CDC27: variants seen among roughly 807,000 people sequenced by gnomAD.
The protein encoded by CDC27 is cell division cycle 27.
A neutral mutation model predicts 109.7 loss-of-function variants in CDC27; 27 were observed. That is an observed-to-expected ratio of 0.25 (90% CI 0.18 to 0.34). CDC27 has a LOEUF of 0.34. CDC27 is among the 10% of genes least tolerant of loss of function. The pLI is 1.00. For missense variants in CDC27, 579 were observed against 960.2 expected, an observed-to-expected ratio of 0.60 and a Z score of 5.25; for synonymous variants, 266 against 333.9, an observed-to-expected ratio of 0.80 and a Z score of 2.22.
chr17:47,154,990 A>G, intron 7 of CDC27: 1 of 399,050 alleles, frequency 2.5e-6, no homozygotes, highest in South Asian at 7.4e-5. Context: ...CTATCAAACA[A>G]GGAACTAAAC....
Position 47,138,898 on chromosome 17 carries a change from TA to T in CDC27, c.1552-8del. On this transcript the variant is annotated splice_polypyrimidine_tract_variant and splice_region_variant and intron_variant, in intron 12 of 18. Transcript: ENST00000066544. ...CTGAGAATATTCTTTCAGCCTGAAATAAAAAAAACTAGTAAGAGAAAACAAG... is the reference window on the plus strand; with the variant it reads ...CTGAGAATATTCTTTCAGCCTGAAATAAAAAAACTAGTAAGAGAAAACAAG... The T allele has an allele frequency of 9.7e-6, 15 of 1,542,074 alleles. No individual in the cohort carries two copies. Among genetic ancestry groups the T allele is most frequent in the Non-Finnish European group, 1.2e-5 (14 of 1,141,348 alleles).
chr17:47,133,380 C>T (rs902151693), intron 14 of CDC27, among the ~76,000 whole-genome samples: 54 of 148,302 alleles, frequency 3.6e-4, no homozygotes, highest in African/African-American at 1.2e-3. Context: ...TCAGGTGATC[C>T]GCCCGCCTTG....
intron 16 of CDC27, among the ~76,000 whole-genome samples, chr17:47,124,952 C>T (rs1408914809): frequency 6.6e-6 from 1 of 152,108 alleles, no homozygotes; most frequent in Non-Finnish European, 1.5e-5. Flanking sequence ...GACTCTCATT[C>T]TGTCACCCAG....
chr17:47,153,861 T>C (rs1014193691), intron 8 of CDC27, among the ~76,000 whole-genome samples: 5 of 152,042 alleles, frequency 3.3e-5, no homozygotes, highest in African/African-American at 1.2e-4. Context: ...GGCAGGAGGA[T>C]TGCTTGAGCC....
rs190297549 is a variant in CDC27, at chr17:47,147,443, T to G, written c.1071-3461A>C. ...AACAAACAAACAAAAAAAAAAACACTAGGCATAGAAAACAGCAGGAAAATA... is the reference window on the plus strand; with the variant it reads ...AACAAACAAACAAAAAAAAAAACACGAGGCATAGAAAACAGCAGGAAAATA... On this transcript the variant is annotated intron_variant, in intron 9 of 18. Transcript: ENST00000066544. Among the ~76,000 whole-genome samples, 104 of 147,198 alleles carry G rather than the reference T, an allele frequency of 7.1e-4. 1 individual carries two copies. The South Asian group carries it at 0.012, about 17-fold the overall frequency.
intron 4 of CDC27, among the ~76,000 whole-genome samples, chr17:47,158,765 C>T (rs754046342): frequency 3.3e-5 from 5 of 152,040 alleles, no homozygotes; most frequent in East Asian, 1.9e-4. Flanking sequence ...ACTATAGGTG[C>T]GCACCACCAT....
chr17:47,136,144 A>AAAAC (rs997504209), intron 14 of CDC27, among the ~76,000 whole-genome samples: 70 of 152,258 alleles, frequency 4.6e-4, no homozygotes, highest in Middle Eastern at 3.4e-3. Flanking sequence ...TCTGCCTCAA[A>AAAAC]AAACAAACAA....
At chr17:47,176,702 G>A (rs2064026205) in intron 2 of CDC27, among the ~76,000 whole-genome samples, 1 of 152,154 alleles carries the variant, frequency 6.6e-6, no homozygotes, top group Non-Finnish European at 1.5e-5. Context: ...AAAGGAACAG[G>A]CAGGGAACGG....
In CDC27 at chr17:47,168,409, A is replaced by G. The variant is rs558678489; in HGVS notation, c.377+1508T>C. On this transcript the variant is annotated intron_variant, in intron 4 of 18. Coordinates refer to ENST00000066544, the MANE Select transcript of CDC27 (RefSeq NM_001256.6). ...TACGAGGAAATGAGGTCAAAGACCA[A>G]ATATATATATTTCACTATATCACAC... Among the ~76,000 whole-genome samples, 8 of 152,248 alleles carry G rather than the reference A, an allele frequency of 5.3e-5. 1 individual carries two copies. The highest frequency in any genetic ancestry group is 5.2e-4 in the Admixed American group (8 of 15,292).
At chr17:47,185,441 C>A (rs551538634) in intron 1 of CDC27, among the ~76,000 whole-genome samples, 15 of 152,124 alleles carry the variant, frequency 9.9e-5, no homozygotes, top group Non-Finnish European at 1.5e-4. Flanking sequence ...CCTCAGCCCC[C>A]CAAAGTGCTG....
At chr17:47,150,988 C>T (rs1304767087) in intron 9 of CDC27, among the ~76,000 whole-genome samples, 1 of 152,186 alleles carries the variant, frequency 6.6e-6, no homozygotes, top group Non-Finnish European at 1.5e-5. Context: ...GCCGAGATCA[C>T]ACCACTGCAC....
chr17:47,125,235 CTTTTTTTTTTTTTTTTTT>C (rs58631604), intron 16 of CDC27, among the ~76,000 whole-genome samples: 2 of 48,020 alleles, frequency 4.2e-5, no homozygotes, highest in Non-Finnish European at 7.2e-5. Flanking sequence ...TTAAAGAAAT[CTTTTTTTTTTTTTTTTTT>C]TTTTTTTTTT....
chr17:47,175,399 A>AT (rs2063969324), intron 2 of CDC27, among the ~76,000 whole-genome samples: 1 of 152,238 alleles, frequency 6.6e-6, no homozygotes, highest in Non-Finnish European at 1.5e-5. Context: ...AACTATACAA[A>AT]TATCAGAGAA....
intron 1 of CDC27, among the ~76,000 whole-genome samples, chr17:47,183,535 A>G (rs755358507): frequency 5.3e-5 from 8 of 152,192 alleles, no homozygotes; most frequent in Non-Finnish European, 8.8e-5. Flanking sequence ...AAATTTTATA[A>G]AGTCTCAAAG....
At chr17:47,133,028 T>TATACAC (rs1555783886) in intron 14 of CDC27, among the ~76,000 whole-genome samples, 344 of 29,610 alleles carry the variant, frequency 0.012, 2 homozygotes, top group East Asian at 0.016. Flanking sequence ...TATATATATA[T>TATACAC]ACACACACAC....
At chr17:47,138,944 T>C in intron 12 of CDC27, 53 bp from the exon 13 acceptor site, 1 of 1,209,772 alleles carries the variant, frequency 8.3e-7, no homozygotes, top group Non-Finnish European at 1.2e-6. Context: ...TTTATATATA[T>C]ACACAGGGAA....
intron 14 of CDC27, among the ~76,000 whole-genome samples, chr17:47,133,002 TATATATATATATATATATATATATATAC>T (rs2062404950): frequency 2.0e-5 from 1 of 49,962 alleles, no homozygotes; most frequent in East Asian, 5.9e-4. Flanking sequence ...TATATATATA[TATATATATATATATATATATATATATAC>T]ACACACACAC....
chr17:47,173,269 G>GT (rs1459709815), intron 2 of CDC27, among the ~76,000 whole-genome samples: 2 of 151,776 alleles, frequency 1.3e-5, no homozygotes, highest in Non-Finnish European at 2.9e-5. Context: ...CCATCTTATG[G>GT]TTTTTTATGA....
At chr17:47,123,096 C>G in intron 17 of CDC27, among the ~76,000 whole-genome samples, 1 of 152,174 alleles carries the variant, frequency 6.6e-6, no homozygotes. Flanking sequence ...TTAATATAAT[C>G]AGACATTATT....
Sources: gnomAD v4.1 joint callset for allele counts (sites outside exome capture counted in the v4.1 genomes callset) on GRCh38, gnomAD v4.1.1 for gene constraint, MANE v1.5 for transcripts, NCBI Gene and HGNC (gene_info 2026-07-23, HGNC 2026-07-21) for gene names.